SLC25A26: variants seen among roughly 807,000 people sequenced by gnomAD.
The protein encoded by SLC25A26 is mitochondrial S-adenosylmethionine carrier protein.
A neutral mutation model predicts 37.8 loss-of-function variants in SLC25A26; 36 were observed. The observed-to-expected ratio is 0.95, with a 90% confidence interval of 0.73 to 1.26. The LOEUF is 1.26. SLC25A26 is among the 50% of genes most tolerant of loss of function. SLC25A26 has a pLI of 0.00. For missense variants in SLC25A26, 390 were observed against 331.1 expected (o/e 1.18, Z -1.38); for synonymous variants, 129 against 122.5 (o/e 1.05, Z -0.35).
intron 9 of SLC25A26, chr3:66,371,556 A>G (rs190963125): frequency 1.6e-3 from 1,829 of 1,128,940 alleles, no homozygotes; most frequent in Middle Eastern, 5.6e-3. Context: ...TGGGGGTGTG[A>G]AGGGTGTCAC....
intron 6 of SLC25A26, among the ~76,000 whole-genome samples, chr3:66,358,217 A>G (rs2076620369): frequency 6.6e-6 from 1 of 152,216 alleles, no homozygotes; most frequent in Non-Finnish European, 1.5e-5. Context: ...TGTAATTTCA[A>G]AATATTTCCA....
At chr3:66,160,446 G>C (rs540620117) in intron 1 of SLC25A26, among the ~76,000 whole-genome samples, 1 of 152,116 alleles carries the variant, frequency 6.6e-6, no homozygotes, top group Non-Finnish European at 1.5e-5. Flanking sequence ...GATCAATTCC[G>C]TTAAAATAAA....
intron 2 of SLC25A26, 96 bp from the exon 3 acceptor site, chr3:66,243,102 ATAATT>A: frequency 3.1e-6 from 2 of 638,396 alleles, no homozygotes; most frequent in Non-Finnish European, 5.6e-6. Flanking sequence ...CTCTTATCTC[ATAATT>A]TAATAATTAT....
At chr3:66,335,167 A>G (rs922562738) in intron 5 of SLC25A26, among the ~76,000 whole-genome samples, 2 of 152,206 alleles carry the variant, frequency 1.3e-5, no homozygotes, top group African/African-American at 4.8e-5. Context: ...TAAATGCCCT[A>G]AATTCTGCTC....
chr3:66,344,473 A>G (rs925420356), intron 5 of SLC25A26, among the ~76,000 whole-genome samples: 2 of 152,304 alleles, frequency 1.3e-5, no homozygotes, highest in Admixed American at 6.5e-5. Flanking sequence ...AAAAAAAAAA[A>G]AGACATAACA....
intron 1 of SLC25A26, among the ~76,000 whole-genome samples, chr3:66,233,811 A>G (rs1165068096): frequency 6.6e-6 from 1 of 152,160 alleles, no homozygotes; most frequent in Admixed American, 6.6e-5. Context: ...AAGTAAATTG[A>G]ATCTGGTCAT....
intron 9 of SLC25A26, among the ~76,000 whole-genome samples, chr3:66,374,611 A>T (rs958461804): frequency 6.6e-6 from 1 of 152,242 alleles, no homozygotes; most frequent in East Asian, 1.9e-4. Context: ...CGGGCCGGGC[A>T]TGGTGGCTCA....
rs1316412447 is a variant in SLC25A26 at position 66,262,042 on chromosome 3, G to A, written c.301-9G>A. The A allele has an allele frequency of 6.6e-7, 1 of 1,522,936 alleles. No individual in the cohort carries two copies. The highest frequency in any genetic ancestry group is 2.0e-5 in the Admixed American group (1 of 49,374). 94.3% of individuals were successfully genotyped at this position (1,522,936 alleles called of 1,614,324 possible). A position where few individuals can be genotyped will look rare whatever the true frequency, so the allele number is the denominator to read the frequency against. The stretch of plus-strand genomic sequence containing the variant: ...TACTTTTTAGGATATAATCAAATTT[G>A]TCTTTTAGGTTGCCTGCCTGATTCG... On this transcript the variant is annotated splice_polypyrimidine_tract_variant and intron_variant, in intron 3 of 9. Transcript: ENST00000354883.
rs545787628 is a variant in SLC25A26, at chr3:66,339,081, C to T, written c.454-7283C>T. ...TTTTCAGTTATTTTGGCTGTATACC[C>T]GGGAGCAAAATTGCTGGATCATAAG... is the stretch of plus-strand genomic sequence containing the variant. On this transcript the variant is annotated intron_variant, in intron 5 of 9. Coordinates refer to ENST00000354883, the MANE Select transcript of SLC25A26 (RefSeq NM_001379210.1). Among the ~76,000 whole-genome samples, 14 of 152,038 alleles carry T rather than the reference C, an allele frequency of 9.2e-5. 1 individual carries two copies. The South Asian group carries it at 2.3e-3, about 25-fold the overall frequency.
At chr3:66,318,522 A>G (rs2075603509) in intron 5 of SLC25A26, among the ~76,000 whole-genome samples, 1 of 151,220 alleles carries the variant, frequency 6.6e-6, no homozygotes, top group Admixed American at 6.6e-5. Flanking sequence ...CGTCAGTCCC[A>G]ATGAGAGAAC....
At chr3:66,199,660 C>T (rs1478685187) in intron 1 of SLC25A26, among the ~76,000 whole-genome samples, 2 of 152,114 alleles carry the variant, frequency 1.3e-5, no homozygotes, top group Non-Finnish European at 2.9e-5. Context: ...CATTGTGACA[C>T]TAAACCCTTC....
intron 9 of SLC25A26, chr3:66,371,354 T>G (rs1385955896): frequency 6.5e-7 from 1 of 1,541,140 alleles, no homozygotes; most frequent in East Asian, 2.5e-5. Context: ...GATTGTAGTT[T>G]TTGTGTACCT....
chr3:66,213,488 T>C (rs1352051674), intron 1 of SLC25A26, among the ~76,000 whole-genome samples: 1 of 151,048 alleles, frequency 6.6e-6, no homozygotes, highest in Admixed American at 6.6e-5. Flanking sequence ...TTAGAGAAAT[T>C]TTATAGTCAC....
chr3:66,326,967 G>A (rs968192496), intron 5 of SLC25A26, among the ~76,000 whole-genome samples: 1 of 152,168 alleles, frequency 6.6e-6, no homozygotes, highest in Non-Finnish European at 1.5e-5. Flanking sequence ...CTGCTTTGTG[G>A]TTTCAGGTAG....
intron 1 of SLC25A26, among the ~76,000 whole-genome samples, chr3:66,157,920 A>G (rs999636205): frequency 2.0e-4 from 31 of 152,344 alleles, no homozygotes; most frequent in African/African-American, 7.2e-4. Context: ...CTCTGATTTC[A>G]GGTCAAATGC....
At chr3:66,375,027 A>G (rs1184812094) in intron 9 of SLC25A26, among the ~76,000 whole-genome samples, 1 of 152,242 alleles carries the variant, frequency 6.6e-6, no homozygotes, top group Non-Finnish European at 1.5e-5. Context: ...CTTGAAGGAA[A>G]TGAAAAGTGC....
At chr3:66,232,935 G>T (rs905027894) in intron 1 of SLC25A26, among the ~76,000 whole-genome samples, 1 of 152,228 alleles carries the variant, frequency 6.6e-6, no homozygotes, top group South Asian at 2.1e-4. Context: ...GAAAGCAGAG[G>T]TGGCAGTTCT....
rs150458669 is a variant in SLC25A26 at position 66,182,226 on chromosome 3, G to A, written c.-353-38516G>A. ...GACCTGAAAATGACAGCCTGAGGAA[G>A]TTTGTTGGGCTCTCCTAGGGAGTGA... On this transcript the variant is annotated intron_variant, in intron 1 of 10. Coordinates refer to the SLC25A26 transcript ENST00000676754. 9.4e-3 allele frequency among the ~76,000 whole-genome samples: 1,435 copies of A among 152,258 alleles called. 21 individuals are homozygous for A. Among genetic ancestry groups the A allele is most frequent in the African/African-American group, 0.032 (1,347 of 41,544 alleles).
chr3:66,239,264 C>CTTTT lies in SLC25A26; in HGVS notation c.190+2574_190+2577dup, dbSNP rs555707985. ...TGTTTTGAAACCCTTCATCCCCAACCTTTTTTTTTTTTTGCCACATCCACA... is the reference window on the plus strand; with the variant it reads ...TGTTTTGAAACCCTTCATCCCCAACCTTTTTTTTTTTTTTTTTGCCACATCCACA... On this transcript the variant is annotated intron_variant, in intron 2 of 9. Coordinates refer to ENST00000354883, the MANE Select transcript of SLC25A26 (RefSeq NM_001379210.1). Among the ~76,000 whole-genome samples the CTTTT allele has an allele frequency of 4.9e-3, 704 of 143,068 alleles. 1 individual carries two copies. The highest frequency in any genetic ancestry group is 0.016 in the East Asian group (80 of 4,958). The allele number at this position is 143,068 out of a possible 152,430, so 93.9% of individuals were successfully genotyped here.
Sources: gnomAD v4.1 joint callset for allele counts (sites outside exome capture counted in the v4.1 genomes callset) on GRCh38, gnomAD v4.1.1 for gene constraint, MANE v1.5 for transcripts, NCBI Gene and HGNC (gene_info 2026-07-23, HGNC 2026-07-21) for gene names.